ZNF366: variants seen among roughly 807,000 people sequenced by gnomAD.
ZNF366 encodes zinc finger protein 366.
ZNF366 carries 20 observed loss-of-function variants against 47.2 expected under a neutral mutation model. The observed-to-expected ratio is 0.42, with a 90% CI of 0.30 to 0.62. The LOEUF (loss-of-function observed/expected upper bound fraction) is 0.62, where lower values mean the gene tolerates loss of function less well. Among genes scored for constraint, ZNF366 ranks in the 20% least tolerant of loss-of-function variants. ZNF366 has a pLI of 0.16. For missense variants in ZNF366, 987 were observed against 976.3 expected, an observed-to-expected ratio of 1.01 and a Z score of -0.15; for synonymous variants, 421 against 395.1, an observed-to-expected ratio of 1.07 and a Z score of -0.78.
chr5:72,487,300 C>T (rs1238996717), intron 1 of ZNF366, among the ~76,000 whole-genome samples: 2 of 152,170 alleles, frequency 1.3e-5, no homozygotes, highest in African/African-American at 2.4e-5. Flanking sequence ...TGCTTGAGCT[C>T]GTGCTTTATG....
chr5:72,492,320 C>T (rs894797716), intron 1 of ZNF366, among the ~76,000 whole-genome samples: 1 of 152,176 alleles, frequency 6.6e-6, no homozygotes, highest in Non-Finnish European at 1.5e-5. Flanking sequence ...CAGCACAGGG[C>T]CTCCCCAACA....
In ZNF366 at chr5:72,460,501, G is replaced by A. The variant is rs1433620891; in HGVS notation, c.996C>T (p.Ser332=). Residue 332 remains serine, a synonymous_variant, in exon 2 of 5, where the codon AGC becomes AGT. Coordinates refer to ENST00000318442, the MANE Select transcript of ZNF366 (RefSeq NM_152625.3). ...SHLKRHMMQH[S]EVKPHNCRVC... is the part of the protein sequence containing the mutation. ...CGCGGCAGTTGTGCGGCTTCACCTC[G>A]CTGTGCTGCATCATGTGGCGCTTCA... is the stretch of plus-strand genomic sequence containing the variant. The A allele has an allele frequency of 3.7e-6, 6 of 1,613,944 alleles. No homozygotes were observed. The highest frequency in any genetic ancestry group is 1.6e-4 in the Middle Eastern group (1 of 6,062).
chr5:72,495,099 C>A (rs1385639963), intron 1 of ZNF366, among the ~76,000 whole-genome samples: 1 of 152,020 alleles, frequency 6.6e-6, no homozygotes, highest in African/African-American at 2.4e-5. Flanking sequence ...TTTACTCCAG[C>A]CTCTCCCTTT....
chr5:72,487,929 G>A (rs1053734208), intron 1 of ZNF366, among the ~76,000 whole-genome samples: 2 of 152,162 alleles, frequency 1.3e-5, no homozygotes, highest in African/African-American at 2.4e-5. Context: ...CAGGGTACTG[G>A]GTGCGGTGGC....
chr5:72,456,392 C>T lies in ZNF366; in HGVS notation c.1524+12G>A. 1 of 1,591,776 alleles carries T rather than the reference C, an allele frequency of 6.3e-7. No homozygotes were observed. The highest frequency in any genetic ancestry group is 8.6e-7 in the Non-Finnish European group (1 of 1,163,586). On this transcript the variant is annotated intron_variant, in intron 3 of 4. Transcript: ENST00000318442. The stretch of plus-strand genomic sequence containing the variant: ...CACAACCCTCTGGTTCCTCTCTAGT[C>T]CCACTGCCCACCTTGCATTTGAAAG...
chr5:72,477,366 T>C (rs1489194852), intron 1 of ZNF366, among the ~76,000 whole-genome samples: 1 of 152,244 alleles, frequency 6.6e-6, no homozygotes, highest in Non-Finnish European at 1.5e-5. Flanking sequence ...TGGGAGGATA[T>C]GCTTTTAATG....
chr5:72,447,032 A>G (rs574978653), intron 4 of ZNF366, among the ~76,000 whole-genome samples: 18 of 152,258 alleles, frequency 1.2e-4, no homozygotes, highest in Non-Finnish European at 1.9e-4. Context: ...GACTGGCATC[A>G]TGATGATAGT....
intron 3 of ZNF366, among the ~76,000 whole-genome samples, chr5:72,454,251 C>T (rs1743135761): frequency 6.6e-6 from 1 of 152,160 alleles, no homozygotes; most frequent in Non-Finnish European, 1.5e-5. Context: ...AGGAAGGAGC[C>T]ATCGTTCATG....
chr5:72,466,918 G>A (rs1036588346), intron 1 of ZNF366, among the ~76,000 whole-genome samples: 3 of 152,182 alleles, frequency 2.0e-5, no homozygotes, highest in Non-Finnish European at 2.9e-5. Context: ...TAATGCTGGA[G>A]AGCCATTATC....
intron 1 of ZNF366, among the ~76,000 whole-genome samples, chr5:72,498,826 C>G (rs1744158786): frequency 6.6e-6 from 1 of 152,166 alleles, no homozygotes; most frequent in South Asian, 2.1e-4. Flanking sequence ...TTCAGCAAAC[C>G]ACTGCTCCTC....
At position 72,456,531 on chromosome 5, in the gene ZNF366, C is replaced by T. The variant is rs1450985931; in HGVS notation, c.1397G>A (p.Arg466Gln). Residue 466 changes from arginine to glutamine, a missense_variant, in exon 3 of 5, where the codon CGA becomes CAA. Physicochemically the swap from Arg to Gln is conservative, Grantham distance 43. This residue lies in a region of ZNF366 where 111 missense variants were observed against 180.5 expected (regional missense o/e 0.61). Coordinates refer to ENST00000318442, the MANE Select transcript of ZNF366 (RefSeq NM_152625.3). ...REFTLLANMK[R>Q]HVLIHTNIRA... ...GATGTTGGTGTGGATCAGCACGTGT[C>T]GCTTCATGTTGGCCAGCAGGGTGAA... is the stretch of plus-strand genomic sequence containing the variant. 1 of 1,613,300 alleles carries T rather than the reference C, an allele frequency of 6.2e-7. No individual in the cohort carries two copies. The highest frequency in any genetic ancestry group is 1.1e-5 in the South Asian group (1 of 91,000).
intron 1 of ZNF366, among the ~76,000 whole-genome samples, chr5:72,478,921 A>G (rs1743727723): frequency 6.6e-6 from 1 of 152,204 alleles, no homozygotes; most frequent in Non-Finnish European, 1.5e-5. Flanking sequence ...ATAGTCATTC[A>G]ATTTCTACTC....
intron 3 of ZNF366, among the ~76,000 whole-genome samples, chr5:72,455,854 T>C (rs145142632): frequency 1.3e-5 from 2 of 152,316 alleles, no homozygotes; most frequent in East Asian, 1.9e-4. Flanking sequence ...TGAGGGCCTC[T>C]GAGGGGCTAG....
chr5:72,470,787 A>G (rs1019796175), intron 1 of ZNF366, among the ~76,000 whole-genome samples: 7 of 152,224 alleles, frequency 4.6e-5, no homozygotes, highest in African/African-American at 1.2e-4. Flanking sequence ...ATTAACTGCC[A>G]AGAACATCTC....
At chr5:72,475,212 A>G (rs1272603814) in intron 1 of ZNF366, among the ~76,000 whole-genome samples, 1 of 152,182 alleles carries the variant, frequency 6.6e-6, no homozygotes, top group Non-Finnish European at 1.5e-5. Flanking sequence ...ACCTTCCTGT[A>G]GGGCTCAGGG....
At chr5:72,455,620 G>T (rs947829195) in intron 3 of ZNF366, among the ~76,000 whole-genome samples, 1 of 152,242 alleles carries the variant, frequency 6.6e-6, no homozygotes, top group South Asian at 2.1e-4. Flanking sequence ...GGACAGCCTC[G>T]GGGAGCCGGA....
At chr5:72,494,344 T>C (rs998084818) in intron 1 of ZNF366, 9 of 152,190 alleles carry the variant, frequency 5.9e-5, no homozygotes, top group African/African-American at 2.2e-4. Context: ...TCTGAGAGAA[T>C]TAATGTGAGA....
At chr5:72,454,498 G>C (rs540279062) in intron 3 of ZNF366, among the ~76,000 whole-genome samples, 1 of 152,324 alleles carries the variant, frequency 6.6e-6, no homozygotes, top group Admixed American at 6.5e-5. Flanking sequence ...TATATTTCAG[G>C]AACGTTTTCT....
chr5:72,459,309 A>G (rs965366489), intron 2 of ZNF366, among the ~76,000 whole-genome samples: 1 of 152,046 alleles, frequency 6.6e-6, no homozygotes, highest in Non-Finnish European at 1.5e-5. Context: ...AAACCACTTG[A>G]GGTTAAGGGT....
Sources: allele counts gnomAD v4.1 joint callset (sites outside exome capture counted in the v4.1 genomes callset), GRCh38; gene constraint gnomAD v4.1.1; regional missense constraint gnomAD v4.1.1; transcripts MANE v1.5; gene names NCBI Gene and HGNC (gene_info 2026-07-23, HGNC 2026-07-21).